The following COLEC12 variants were observed in gnomAD, a reference collection of about 807,000 sequenced individuals.
The protein encoded by COLEC12 is collectin-12.
COLEC12 carries 33 observed loss-of-function variants against 71.1 expected under a neutral mutation model. That is an observed-to-expected ratio of 0.46 (90% CI 0.35 to 0.62). COLEC12 has a LOEUF of 0.62. COLEC12 is among the 20% of genes least tolerant of loss of function. COLEC12 has a pLI of 0.00. For synonymous variants in COLEC12, 350 were observed against 353.0 expected, an observed-to-expected ratio of 0.99 and a Z score of 0.10; for missense variants, 765 against 916.1, an observed-to-expected ratio of 0.84 and a Z score of 2.13.
intron 1 of COLEC12, among the ~76,000 whole-genome samples, chr18:488,334 C>T (rs913408018): frequency 2.6e-5 from 4 of 151,866 alleles, no homozygotes; most frequent in Non-Finnish European, 5.9e-5. Context: ...TCACTTGAAC[C>T]CGGGAGGCGG....
intron 2 of COLEC12, among the ~76,000 whole-genome samples, chr18:369,449 GTT>G (rs56254829): frequency 0.26 from 34,012 of 131,654 alleles, 4,393 homozygotes; most frequent in East Asian, 0.49. Flanking sequence ...TTGGAATAAT[GTT>G]TTTTTTTTTT....
chr18:347,968 C>T (rs141431143), intron 4 of COLEC12, 97 bp downstream of exon 4: 77 of 714,044 alleles, frequency 1.1e-4, no homozygotes, highest in Non-Finnish European at 1.4e-4. Flanking sequence ...AATGTCCTTC[C>T]GGGTGAATGG....
In COLEC12 at chr18:366,553, C is replaced by T. The variant is rs1450632899; in HGVS notation, c.59-9031G>A. On this transcript the variant is annotated intron_variant, in intron 2 of 9. Coordinates refer to ENST00000400256, the MANE Select transcript of COLEC12 (RefSeq NM_130386.3). Reference sequence around the variant, plus strand: ...ACACTCCCCATGATCTTCATAGCTACCTCCTTGTACAGGCATGAGGGTTTT... The same window carrying T: ...ACACTCCCCATGATCTTCATAGCTATCTCCTTGTACAGGCATGAGGGTTTT... 4.6e-5 allele frequency among the ~76,000 whole-genome samples: 7 copies of T among 152,348 alleles called. No individual in the cohort carries two copies. In the East Asian group the frequency reaches 1.3e-3, roughly 29 times the overall value.
intron 8 of COLEC12, among the ~76,000 whole-genome samples, chr18:326,882 T>C (rs1244963770): frequency 6.6e-6 from 1 of 152,184 alleles, no homozygotes; most frequent in East Asian, 1.9e-4. Context: ...TGAAGGCCTG[T>C]TCTTTGCTGT....
intron 2 of COLEC12, among the ~76,000 whole-genome samples, chr18:475,023 G>A (rs1028759333): frequency 2.0e-5 from 3 of 151,968 alleles, no homozygotes; most frequent in African/African-American, 4.8e-5. Context: ...GCAGTGAGCC[G>A]AGATCGCGCC....
chr18:354,264 C>G (rs13381833), intron 3 of COLEC12, among the ~76,000 whole-genome samples: 1 of 152,020 alleles, frequency 6.6e-6, no homozygotes. Context: ...GTGGCTGATA[C>G]GCCTCACAGT....
intron 2 of COLEC12, among the ~76,000 whole-genome samples, chr18:437,586 T>C (rs1916432384): frequency 6.6e-6 from 1 of 152,210 alleles, no homozygotes. Context: ...GAGTTATGTC[T>C]CTTTACGATA....
intron 2 of COLEC12, among the ~76,000 whole-genome samples, chr18:369,595 C>T (rs2143531836): frequency 6.6e-6 from 1 of 152,038 alleles, no homozygotes; most frequent in East Asian, 1.9e-4. Context: ...GCTATGTGCC[C>T]TCTTACTAGT....
chr18:424,943 G>A (rs1916169631), intron 2 of COLEC12, among the ~76,000 whole-genome samples: 3 of 152,094 alleles, frequency 2.0e-5, no homozygotes, highest in African/African-American at 7.2e-5. Flanking sequence ...CATGGGTGTG[G>A]GGGAGAGGAG....
In COLEC12 at chr18:317,670, T is replaced by C. The variant is rs1052161838; in HGVS notation, c.*2375A>G. 6.6e-6 allele frequency: 1 copy of C among 152,246 alleles called. No homozygotes were observed. The highest frequency in any genetic ancestry group is 1.5e-5 in the Non-Finnish European group (1 of 68,040). The allele number at this position is 152,246 out of a possible 1,614,324, so 9.4% of individuals were successfully genotyped here. ...CATCAGATACTTATTTTCAAGTTTCTTCTGAAGACAAATTTTAATTGACAC... is the reference window on the plus strand; with the variant it reads ...CATCAGATACTTATTTTCAAGTTTCCTCTGAAGACAAATTTTAATTGACAC... On this transcript the variant is annotated 3_prime_UTR_variant, in exon 10 of 10. Transcript: ENST00000400256.
chr18:458,760 C>T (rs1420083900), intron 2 of COLEC12, among the ~76,000 whole-genome samples: 1 of 152,258 alleles, frequency 6.6e-6, no homozygotes, highest in East Asian at 1.9e-4. Flanking sequence ...CTCTCTCCCA[C>T]GTGAAGCCAT....
Position 334,925 on chromosome 18 carries a change from C to T in COLEC12, c.1633G>A (p.Gly545Ser). 1 of 1,561,450 alleles carries T rather than the reference C, an allele frequency of 6.4e-7. No individual in the cohort carries two copies. Among genetic ancestry groups the T allele is most frequent in the Non-Finnish European group, 8.6e-7 (1 of 1,162,030 alleles). Residue 545 changes from glycine (G) to serine (S), a missense_variant, in exon 6 of 10, where the codon GGC (glycine) becomes AGC (serine). Physicochemically the swap from Gly to Ser is moderately conservative, Grantham distance 56. Coordinates refer to ENST00000400256, the MANE Select transcript of COLEC12 (RefSeq NM_130386.3). Reference protein sequence around the residue: ...EGLPGPQGPPGFQGLQGTVGE... With the variant: ...EGLPGPQGPPSFQGLQGTVGE... ...ACGGTGCCCTGAAGTCCCTGGAAGCCAGGAGGGCCCTGAGGGCCGGGGAGT... is the reference window on the plus strand; with the variant it reads ...ACGGTGCCCTGAAGTCCCTGGAAGCTAGGAGGGCCCTGAGGGCCGGGGAGT...
chr18:350,495 T>C (rs1397598103), intron 3 of COLEC12, among the ~76,000 whole-genome samples: 1 of 152,226 alleles, frequency 6.6e-6, no homozygotes, highest in Non-Finnish European at 1.5e-5. Flanking sequence ...GCAGTAATTC[T>C]CTACAGTTAT....
At chr18:386,070 A>G (rs933665984) in intron 2 of COLEC12, among the ~76,000 whole-genome samples, 1 of 151,674 alleles carries the variant, frequency 6.6e-6, no homozygotes, top group Admixed American at 6.6e-5. Context: ...CACTGTGGGA[A>G]AAGTTAGGAT....
intron 2 of COLEC12, among the ~76,000 whole-genome samples, chr18:403,578 A>G (rs1282314693): frequency 6.6e-6 from 1 of 152,180 alleles, no homozygotes; most frequent in Non-Finnish European, 1.5e-5. Flanking sequence ...TCAGTGACCC[A>G]TGGCTCTCTA....
intron 2 of COLEC12, among the ~76,000 whole-genome samples, chr18:429,856 G>A (rs1294085381): frequency 1.3e-5 from 2 of 151,990 alleles, no homozygotes; most frequent in African/African-American, 4.8e-5. Flanking sequence ...CCAAACTAGC[G>A]CCCCCTTTGC....
chr18:385,359 C>G (rs1915323386), intron 2 of COLEC12, among the ~76,000 whole-genome samples: 1 of 135,254 alleles, frequency 7.4e-6, no homozygotes, highest in Admixed American at 8.2e-5. Flanking sequence ...GAGTCTCGCT[C>G]TGTTGCCCAG....
chr18:363,867 C>G (rs930656393), intron 2 of COLEC12, among the ~76,000 whole-genome samples: 4 of 152,130 alleles, frequency 2.6e-5, no homozygotes, highest in Admixed American at 2.0e-4. Context: ...AATCCCAGCC[C>G]TGGACACCTT....
rs753597868 is a variant in COLEC12 at position 348,114 on chromosome 18, T to C, written c.231A>G (p.Gln77=). Residue 77 remains glutamine, a synonymous_variant, in exon 4 of 10, where the codon CAA becomes CAG. Transcript: ENST00000400256. The part of the protein sequence containing the change: ...NVTGGMETSR[Q]TYDDKLTAVE... ...CTGCTGTGAGCTTGTCATCATAGGTTTGGCGAGATGTTTCCATGCCACCTG... is the reference window on the plus strand; with the variant it reads ...CTGCTGTGAGCTTGTCATCATAGGTCTGGCGAGATGTTTCCATGCCACCTG... 1 of 1,614,086 alleles carries C rather than the reference T, an allele frequency of 6.2e-7. No individual in the cohort carries two copies. The highest frequency in any genetic ancestry group is 8.5e-7 in the Non-Finnish European group (1 of 1,179,958).
Sources: allele counts gnomAD v4.1 joint callset (sites outside exome capture counted in the v4.1 genomes callset), GRCh38; gene constraint gnomAD v4.1.1; transcripts MANE v1.5; gene names NCBI Gene and HGNC (gene_info 2026-07-23, HGNC 2026-07-21).